Variants in FHOD3 observed in about 807,000 individuals in gnomAD.
FHOD3 encodes formin homology 2 domain containing 3.
Under a neutral mutation model 173.0 loss-of-function variants are expected in FHOD3, and 90 were observed. The observed-to-expected ratio is 0.52, with a 90% CI of 0.44 to 0.62. The LOEUF (loss-of-function observed/expected upper bound fraction) is 0.62, where lower values mean the gene tolerates loss of function less well. FHOD3 is among the 20% of genes least tolerant of loss of function. The pLI is 0.00. For missense variants in FHOD3, 1,945 were observed against 2,034.7 expected, an observed-to-expected ratio of 0.96 and a Z score of 0.85; for synonymous variants, 828 against 823.0, an observed-to-expected ratio of 1.01 and a Z score of -0.10.
intron 19 of FHOD3, among the ~76,000 whole-genome samples, chr18:36,726,238 G>A (rs896129256): frequency 4.6e-5 from 7 of 151,758 alleles, no homozygotes; most frequent in African/African-American, 1.7e-4. Context: ...TTCTTATCCA[G>A]GAACATGAGG....
At chr18:36,700,388 C>T (rs1256962165) in intron 17 of FHOD3, among the ~76,000 whole-genome samples, 3 of 152,168 alleles carry the variant, frequency 2.0e-5, no homozygotes, top group Admixed American at 1.3e-4. Context: ...CCACCCGAAA[C>T]CTGCTTATAT....
At position 36,693,248 on chromosome 18, in the gene FHOD3, G is replaced by C. The variant is rs1208448971; in HGVS notation, c.2061G>C (p.Glu687Asp). 1 of 1,613,744 alleles carries C rather than the reference G, an allele frequency of 6.2e-7. No homozygotes were observed. The highest frequency in any genetic ancestry group is 1.3e-5 in the African/African-American group (1 of 74,928). Residue 687 changes from glutamate to aspartate, a missense_variant, in exon 17 of 29, where the codon GAG becomes GAC. By Grantham distance (45) the Glu-to-Asp change is conservative. Transcript: ENST00000590592. ...YLEQLAAEEH[E>D]KELRSRSVSR... ...AACAGTTGGCAGCTGAGGAGCACGA[G>C]AAGGAGCTGAGAAGCCGGAGTGTGA...
intron 19 of FHOD3, among the ~76,000 whole-genome samples, chr18:36,722,889 T>C (rs1460640219): frequency 3.3e-5 from 5 of 152,128 alleles, no homozygotes; most frequent in African/African-American, 7.2e-5. Context: ...TGAGAGGAGA[T>C]AGAAATCCTC....
chr18:36,374,226 G>A (rs1329423174), intron 3 of FHOD3, among the ~76,000 whole-genome samples: 1 of 152,128 alleles, frequency 6.6e-6, no homozygotes, highest in African/African-American at 2.4e-5. Context: ...CTTGTCTTAT[G>A]AACTTCTGTA....
chr18:36,678,524 C>CAAAAAAAAA (rs58064190), intron 14 of FHOD3, among the ~76,000 whole-genome samples: 8 of 71,158 alleles, frequency 1.1e-4, no homozygotes, highest in African/African-American at 2.2e-4. Context: ...GACCCTGTCT[C>CAAAAAAAAA]AAAAAAAAAA....
intron 13 of FHOD3, among the ~76,000 whole-genome samples, chr18:36,653,696 G>T (rs1024004150): frequency 2.0e-5 from 3 of 152,158 alleles, no homozygotes; most frequent in Non-Finnish European, 2.9e-5. Context: ...CCTGCGTTAT[G>T]AGCTCTCTGC....
At chr18:36,703,269 A>AT (rs753246127) in intron 17 of FHOD3, among the ~76,000 whole-genome samples, 30 of 152,162 alleles carry the variant, frequency 2.0e-4, no homozygotes, top group Admixed American at 1.2e-3. Flanking sequence ...GGGTGTTAAT[A>AT]TCCCAGTTTC....
chr18:36,559,395 CAGAA>C (rs2147596005), intron 5 of FHOD3, among the ~76,000 whole-genome samples: 1 of 152,314 alleles, frequency 6.6e-6, no homozygotes, highest in African/African-American at 2.4e-5. Context: ...CTCCTCCACT[CAGAA>C]GGAAGCTGTT....
intron 18 of FHOD3, 49 bp from the exon 19 acceptor site, chr18:36,717,782 AG>A (rs2040540443): frequency 1.3e-6 from 2 of 1,515,128 alleles, no homozygotes; most frequent in Non-Finnish European, 1.8e-6. Context: ...CTCTCATGGA[AG>A]TGAGGCCCCC....
At chr18:36,567,944 C>T (rs2058322943) in intron 5 of FHOD3, among the ~76,000 whole-genome samples, 1 of 151,932 alleles carries the variant, frequency 6.6e-6, no homozygotes, top group Non-Finnish European at 1.5e-5. Context: ...TTCTGCTTGG[C>T]CCCAGTTGTG....
At position 36,452,226 on chromosome 18, in the gene FHOD3, G is replaced by T. The variant is rs118106387; in HGVS notation, c.338-49706G>T. Among the ~76,000 whole-genome samples the T allele has an allele frequency of 7.9e-5, 12 of 152,134 alleles. No individual in the cohort carries two copies. The East Asian group carries it at 1.4e-3, about 17-fold the overall frequency. ...TAAAAGCATCTCGGGAGCCTTTTCCGTACTTGTACCACTTTCCAGGACTGT... is the reference window on the plus strand; with the variant it reads ...TAAAAGCATCTCGGGAGCCTTTTCCTTACTTGTACCACTTTCCAGGACTGT... On this transcript the variant is annotated intron_variant, in intron 3 of 28. Coordinates refer to ENST00000590592, the MANE Select transcript of FHOD3 (RefSeq NM_001281740.3).
At chr18:36,581,338 G>A (rs2058844570) in intron 6 of FHOD3, among the ~76,000 whole-genome samples, 1 of 152,312 alleles carries the variant, frequency 6.6e-6, no homozygotes, top group African/African-American at 2.4e-5. Context: ...ACCCAGCACA[G>A]AGAGTCTGTC....
At chr18:36,425,548 A>G (rs984473040) in intron 3 of FHOD3, among the ~76,000 whole-genome samples, 3 of 152,354 alleles carry the variant, frequency 2.0e-5, no homozygotes, top group African/African-American at 7.2e-5. Context: ...AGATCCATGA[A>G]TATAAGGTTA....
intron 3 of FHOD3, among the ~76,000 whole-genome samples, chr18:36,457,611 A>C (rs1471706879): frequency 6.6e-6 from 1 of 151,434 alleles, no homozygotes; most frequent in South Asian, 2.1e-4. Flanking sequence ...CTGATTCCAT[A>C]AGAGTTGACC....
At chr18:36,397,308 A>G (rs1390128441) in intron 3 of FHOD3, among the ~76,000 whole-genome samples, 1 of 152,210 alleles carries the variant, frequency 6.6e-6, no homozygotes, top group East Asian at 1.9e-4. Flanking sequence ...TGCTGAACAG[A>G]TAATAATAGC....
intron 3 of FHOD3, among the ~76,000 whole-genome samples, chr18:36,402,455 A>G (rs2146695580): frequency 6.6e-6 from 1 of 152,154 alleles, no homozygotes; most frequent in African/African-American, 2.4e-5. Context: ...GTAATATGCA[A>G]TATAAAAATT....
chr18:36,455,537 A>AT (rs1215851369), intron 3 of FHOD3, among the ~76,000 whole-genome samples: 1 of 151,570 alleles, frequency 6.6e-6, no homozygotes, highest in Non-Finnish European at 1.5e-5. Flanking sequence ...TTTATTTTCC[A>AT]TTTAGACAGA....
chr18:36,556,116 C>T lies in FHOD3; in HGVS notation c.512-20335C>T, dbSNP rs565434394. Among the ~76,000 whole-genome samples the T allele has an allele frequency of 1.0e-3, 154 of 152,010 alleles. 1 individual carries two copies. Among genetic ancestry groups the T allele is most frequent in the South Asian group, 7.7e-3 (37 of 4,804 alleles). On this transcript the variant is annotated intron_variant, in intron 5 of 28. Coordinates refer to ENST00000590592, the MANE Select transcript of FHOD3 (RefSeq NM_001281740.3). ...CTCATCTGTACTTTGTTACATTTTC[C>T]TCTTTTTCTGCCTTTTTTTGATTAT...
chr18:36,679,987 G>A (rs1166994836), intron 14 of FHOD3, among the ~76,000 whole-genome samples: 1 of 152,142 alleles, frequency 6.6e-6, no homozygotes, highest in Non-Finnish European at 1.5e-5. Context: ...TACTCTGATT[G>A]TTGATTAGGT....
Sources: gnomAD v4.1 joint callset for allele counts (sites outside exome capture counted in the v4.1 genomes callset) on GRCh38, gnomAD v4.1.1 for gene constraint, MANE v1.5 for transcripts, NCBI Gene and HGNC (gene_info 2026-07-23, HGNC 2026-07-21) for gene names.